Variants in BMPER observed in about 807,000 individuals in gnomAD.
BMPER encodes the protein BMP binding endothelial regulator, also known as BMP-binding endothelial regulator protein.
Under a neutral mutation model 87.3 loss-of-function variants are expected in BMPER, and 45 were observed. The observed-to-expected ratio is 0.52, with a 90% CI of 0.41 to 0.66. BMPER has a LOEUF of 0.66. Among genes scored for constraint, BMPER ranks in the 30% least tolerant of loss-of-function variants. The probability of loss-of-function intolerance (pLI) is 0.00; values close to 1 mark genes in which losing one functional copy is unlikely to be tolerated. For synonymous variants in BMPER, 326 were observed against 316.2 expected, an observed-to-expected ratio of 1.03 and a Z score of -0.33; for missense variants, 784 against 867.5, an observed-to-expected ratio of 0.90 and a Z score of 1.21.
intron 4 of BMPER, among the ~76,000 whole-genome samples, chr7:33,969,216 C>T (rs1434023342): frequency 3.9e-5 from 6 of 152,128 alleles, no homozygotes; most frequent in Non-Finnish European, 7.3e-5. Flanking sequence ...TGCCACCCAT[C>T]CCATCACAGA....
At chr7:33,929,473 T>A (rs996147501) in intron 2 of BMPER, among the ~76,000 whole-genome samples, 7 of 152,198 alleles carry the variant, frequency 4.6e-5, no homozygotes, top group Admixed American at 6.5e-5. Flanking sequence ...TAAAAGGCAT[T>A]ATTTTTACTT....
intron 6 of BMPER, among the ~76,000 whole-genome samples, chr7:34,004,620 C>T (rs1217915507): frequency 1.3e-5 from 2 of 152,138 alleles, no homozygotes; most frequent in Non-Finnish European, 2.9e-5. Context: ...CTTTCTTAAA[C>T]TTATTCTGCA....
chr7:34,143,470 G>T, intron 14 of BMPER, 110 bp downstream of exon 14: 1 of 1,512,042 alleles, frequency 6.6e-7, no homozygotes, highest in Non-Finnish European at 9.0e-7. Context: ...CCCCTTGCCA[G>T]AGGAAAATCC....
chr7:34,134,754 T>C (rs748606941), intron 13 of BMPER, among the ~76,000 whole-genome samples: 22 of 152,202 alleles, frequency 1.4e-4, no homozygotes, highest in Non-Finnish European at 2.5e-4. Flanking sequence ...TCTTCACATA[T>C]GGTCTGATAT....
At chr7:34,060,309 G>T (rs569103489) in intron 10 of BMPER, among the ~76,000 whole-genome samples, 4 of 151,948 alleles carry the variant, frequency 2.6e-5, no homozygotes, top group African/African-American at 9.7e-5. Context: ...CTTTAAGGTG[G>T]CTCTGCTGCA....
intron 1 of BMPER, 73 bp downstream of exon 1, chr7:33,905,819 G>C: frequency 1.8e-6 from 1 of 556,946 alleles, no homozygotes; most frequent in Non-Finnish European, 3.3e-6. Context: ...GCGCTGGCTT[G>C]CCCCGGGGAT....
At chr7:34,125,065 T>G (rs1014581) in intron 13 of BMPER, among the ~76,000 whole-genome samples, 89,794 of 151,808 alleles carry the variant, frequency 0.59, 26,998 homozygotes, top group East Asian at 0.83. Context: ...TCTGTTTAAT[T>G]ATGTTTTATA....
chr7:34,052,821 G>A (rs540810445), intron 8 of BMPER, among the ~76,000 whole-genome samples: 10 of 152,292 alleles, frequency 6.6e-5, no homozygotes, highest in African/African-American at 1.2e-4. Context: ...CCACTTCAGC[G>A]GGTGGTTGGT....
intron 11 of BMPER, among the ~76,000 whole-genome samples, chr7:34,071,122 T>C (rs1023333521): frequency 6.6e-6 from 1 of 152,202 alleles, no homozygotes. Context: ...TAGCCCCAAA[T>C]CTGTATTTTA....
intron 13 of BMPER, among the ~76,000 whole-genome samples, chr7:34,121,495 G>A (rs1418436740): frequency 6.6e-6 from 1 of 152,072 alleles, no homozygotes; most frequent in Non-Finnish European, 1.5e-5. Context: ...TTGAGTTTTA[G>A]TCTTCCACTC....
At chr7:34,076,582 G>A (rs2127972847) in intron 11 of BMPER, among the ~76,000 whole-genome samples, 1 of 152,182 alleles carries the variant, frequency 6.6e-6, no homozygotes. Context: ...TTTATGGATT[G>A]TATTACAAAG....
At chr7:33,928,960 AC>A (rs1236240375) in intron 2 of BMPER, among the ~76,000 whole-genome samples, 2 of 151,340 alleles carry the variant, frequency 1.3e-5, no homozygotes, top group African/African-American at 2.4e-5. Context: ...TCTTTCCTCC[AC>A]CCCCCTGCCT....
At chr7:34,054,309 G>C (rs963972767) in intron 8 of BMPER, among the ~76,000 whole-genome samples, 4 of 152,086 alleles carry the variant, frequency 2.6e-5, no homozygotes, top group African/African-American at 4.8e-5. Flanking sequence ...CATACACAAT[G>C]AAAGCAGGGA....
Position 33,966,550 on chromosome 7 carries a change from C to T in BMPER, c.391C>T (p.Arg131Cys), listed in dbSNP as rs374945016. The T allele has an allele frequency of 3.6e-5, 58 of 1,613,454 alleles. No homozygotes were observed. The highest frequency in any genetic ancestry group is 1.6e-4 in the Middle Eastern group (1 of 6,082). ...GAGCCCGGCTGAGCCTTGTGTTCTA[C>T]GCCAGTGCCAGGTAAAGTTCAATTA... ...WQSPAEPCVLRQCQEGVVTES... is the reference protein window; with the variant it reads ...WQSPAEPCVLCQCQEGVVTES... The change falls in exon 4 of 15, where the codon CGC becomes TGC. Residue 131 changes from arginine (R) to cysteine (C), a missense_variant. Transcript: ENST00000649409.
chr7:34,026,387 T>C (rs1327837169), intron 6 of BMPER, among the ~76,000 whole-genome samples: 1 of 152,076 alleles, frequency 6.6e-6, no homozygotes, highest in Non-Finnish European at 1.5e-5. Flanking sequence ...AATGCAAAGA[T>C]TAAATAGGTT....
At chr7:33,997,837 G>GCCAGATAT (rs1341301369) in intron 6 of BMPER, among the ~76,000 whole-genome samples, 2 of 152,162 alleles carry the variant, frequency 1.3e-5, no homozygotes, top group Non-Finnish European at 2.9e-5. Context: ...AAATGAAGGA[G>GCCAGATAT]CCAGATATGC....
At chr7:34,054,611 G>A (rs1453678327) in intron 8 of BMPER, among the ~76,000 whole-genome samples, 1 of 152,288 alleles carries the variant, frequency 6.6e-6, no homozygotes, top group African/African-American at 2.4e-5. Flanking sequence ...CTACATTAGA[G>A]CTCTGGAACC....
intron 6 of BMPER, among the ~76,000 whole-genome samples, chr7:33,995,680 A>G (rs1230922347): frequency 1.3e-5 from 2 of 152,150 alleles, no homozygotes; most frequent in Non-Finnish European, 2.9e-5. Context: ...CGTTGGTTCC[A>G]TGAGGCCTGT....
intron 6 of BMPER, among the ~76,000 whole-genome samples, chr7:33,988,533 C>T (rs1247524175): frequency 2.0e-5 from 3 of 152,108 alleles, no homozygotes; most frequent in African/African-American, 7.2e-5. Context: ...GTGTTTATCT[C>T]AAACTTCTAT....
Sources: gnomAD v4.1 joint callset for allele counts (sites outside exome capture counted in the v4.1 genomes callset) on GRCh38, gnomAD v4.1.1 for gene constraint, MANE v1.5 for transcripts, NCBI Gene and HGNC (gene_info 2026-07-23, HGNC 2026-07-21) for gene names.